The following GLS variants were observed in gnomAD, a reference collection of about 807,000 sequenced individuals.
The protein encoded by GLS is glutaminase.
In GLS, 36 loss-of-function variants were observed where a neutral mutation model predicts 86.7. The ratio of observed to expected loss-of-function variants is 0.42; its 90% CI spans 0.32 to 0.55. The LOEUF (loss-of-function observed/expected upper bound fraction) is 0.55, where lower values mean the gene tolerates loss of function less well. Among genes scored for constraint, GLS ranks in the 20% least tolerant of loss-of-function variants. The pLI is 0.17. For synonymous variants in GLS, 317 were observed against 305.9 expected, an observed-to-expected ratio of 1.04 and a Z score of -0.38; for missense variants, 528 against 833.4, an observed-to-expected ratio of 0.63 and a Z score of 4.51.
At chr2:190,961,692 T>TTG (rs1691005579) in intron 17 of GLS, among the ~76,000 whole-genome samples, 1 of 151,360 alleles carries the variant, frequency 6.6e-6, no homozygotes, top group East Asian at 1.9e-4. Flanking sequence ...TTCAGCTGTT[T>TTG]TTTTTTTTTT....
At position 190,928,749 on chromosome 2, in the gene GLS, G is replaced by C. The variant is rs1298937766; in HGVS notation, c.1425+1267G>C. 4.3e-5 allele frequency among the ~76,000 whole-genome samples: 6 copies of C among 138,130 alleles called. No individual in the cohort carries two copies. The East Asian group carries it at 1.2e-3, about 28-fold the overall frequency. The allele number at this position is 138,130 out of a possible 152,430, so 90.6% of individuals were successfully genotyped here. A position where few individuals can be genotyped will look rare whatever the true frequency, so the allele number is the denominator to read the frequency against. On this transcript the variant is annotated intron_variant, in intron 12 of 17. Transcript: ENST00000320717. ...AAATCTATTGGTCTTCTTTTGACCT[G>C]TCTCTCTTTTTTTCTTGTTATTTTT... is the stretch of plus-strand genomic sequence containing the variant.
In GLS at chr2:190,897,960, C is replaced by A. The variant is rs566271662; in HGVS notation, c.605+2235C>A. 2.0e-5 allele frequency among the ~76,000 whole-genome samples: 3 copies of A among 152,036 alleles called. No individual in the cohort carries two copies. ...CATACTTTTTGGAGTAAAACCTGTT[C>A]GAAAGTTGGAGACTGCCTGTACCCA... On this transcript the variant is annotated intron_variant, in intron 3 of 17. Coordinates refer to ENST00000320717, the MANE Select transcript of GLS (RefSeq NM_014905.5). This position sits in a 1 kb window ranked among gnomAD's most constrained non-coding sequence, Gnocchi z 4.3.
rs182623821 is a variant in GLS, at chr2:190,898,859, C to G, written c.606-1705C>G. 2.0e-4 allele frequency among the ~76,000 whole-genome samples: 30 copies of G among 152,256 alleles called. 1 individual carries two copies. In the East Asian group the frequency reaches 4.8e-3, roughly 24 times the overall value. On this transcript the variant is annotated intron_variant, in intron 3 of 17. Transcript: ENST00000320717. ...TTGAGGCTGGTCTCGAACTCCTGAC[C>G]TCAGGTGATCTGCCTGCCTCAGCCT...
rs1321693265 is a variant in GLS, at chr2:190,943,164, A to G, written c.1651-10401A>G. Among the ~76,000 whole-genome samples the G allele has an allele frequency of 3.3e-5, 5 of 152,194 alleles. No individual in the cohort carries two copies. In the East Asian group the frequency reaches 9.6e-4, roughly 29 times the overall value. On this transcript the variant is annotated intron_variant, in intron 14 of 17. Transcript: ENST00000320717. This position sits in a 1 kb window ranked among gnomAD's most constrained non-coding sequence, Gnocchi z 4.5. ...GGGGTGGGTAGTGGATAATGGTTAG[A>G]CAACTATCAGTATGTAGAAGCTAGC...
At chr2:190,934,776 A>G (rs984147794) in intron 14 of GLS, 2 of 970,556 alleles carry the variant, frequency 2.1e-6, no homozygotes, top group African/African-American at 3.5e-5. Flanking sequence ...CTTTAAATGC[A>G]TACTTAAAAA....
chr2:190,926,331 A>AT (rs1171298114), intron 11 of GLS, among the ~76,000 whole-genome samples: 11 of 152,192 alleles, frequency 7.2e-5, no homozygotes, highest in African/African-American at 2.7e-4. Flanking sequence ...TTTTTGAGAA[A>AT]TAGGGAAGAG....
intron 6 of GLS, among the ~76,000 whole-genome samples, chr2:190,910,054 T>A (rs556690840): frequency 6.6e-6 from 1 of 152,250 alleles, no homozygotes; most frequent in East Asian, 1.9e-4. Context: ...AAAAAATCCC[T>A]TATAATTTTA....
intron 14 of GLS, chr2:190,933,562 C>A: frequency 1.0e-6 from 1 of 961,118 alleles, no homozygotes; most frequent in Non-Finnish European, 1.2e-6. Flanking sequence ...AACATTCCAG[C>A]CAAAGAATTT....
At position 190,965,088 on chromosome 2, in the gene GLS, T is replaced by C. The variant is rs1691092712; in HGVS notation, c.*2102T>C. On this transcript the variant is annotated 3_prime_UTR_variant, in exon 18 of 18. Coordinates refer to ENST00000320717, the MANE Select transcript of GLS (RefSeq NM_014905.5). The surrounding 1 kb of genome is among the most constrained non-coding windows in gnomAD (Gnocchi z 5.0). ...TGTTGGCTGGTAATAATATATTTGA[T>C]TTAAATGCTGTTGACTGTGCTATTA... The C allele has an allele frequency of 6.6e-6, 1 of 152,340 alleles. No homozygotes were observed. The highest frequency in any genetic ancestry group is 2.4e-5 in the African/African-American group (1 of 41,450). The allele number at this position is 152,340 out of a possible 1,614,324, so 9.4% of individuals were successfully genotyped here.
At chr2:190,922,170 A>G (rs1689758087) in intron 9 of GLS, among the ~76,000 whole-genome samples, 1 of 152,112 alleles carries the variant, frequency 6.6e-6, no homozygotes, top group African/African-American at 2.4e-5. Flanking sequence ...CATAGACAAT[A>G]TGAGGGTGTG....
chr2:190,912,346 C>CT (rs34419675), intron 7 of GLS, among the ~76,000 whole-genome samples: 1,908 of 122,472 alleles, frequency 0.016, 44 homozygotes, highest in African/African-American at 0.024. Flanking sequence ...TTCACAAGTG[C>CT]TTTTTTTTTT....
At chr2:190,892,873 A>C (rs960650053) in intron 1 of GLS, among the ~76,000 whole-genome samples, 3 of 152,128 alleles carry the variant, frequency 2.0e-5, no homozygotes, top group African/African-American at 7.2e-5. Flanking sequence ...AAGCAAGTAA[A>C]CATTTGTCTT....
At position 190,927,381 on chromosome 2, in the gene GLS, A is replaced by G. The variant is rs561581318; in HGVS notation, c.1324A>G (p.Ile442Val). The change falls in exon 12 of 18, where the codon ATT becomes GTT. Residue 442 changes from isoleucine to valine, a missense_variant. Ile to Val is a conservative substitution (Grantham distance 29). This residue lies in a region of GLS where 163 missense variants were observed against 429.2 expected (regional missense o/e 0.38). Coordinates refer to ENST00000320717, the MANE Select transcript of GLS (RefSeq NM_014905.5). ...ATLANGGFCPITGERVLSPEA... is the reference protein window; with the variant it reads ...ATLANGGFCPVTGERVLSPEA... Reference sequence around the variant, plus strand: ...ACTGGCTAATGGTGGTTTCTGCCCAATTACTGGTGAAAGAGTACTGAGCCC... The same window carrying G: ...ACTGGCTAATGGTGGTTTCTGCCCAGTTACTGGTGAAAGAGTACTGAGCCC... The G allele has an allele frequency of 1.1e-5, 17 of 1,613,942 alleles. No individual in the cohort carries two copies. The highest frequency in any genetic ancestry group is 1.3e-5 in the African/African-American group (1 of 75,016).
chr2:190,882,676 G>C (rs575998645), intron 1 of GLS, among the ~76,000 whole-genome samples: 2 of 152,228 alleles, frequency 1.3e-5, no homozygotes, highest in African/African-American at 4.8e-5. Context: ...TCTTCTCCCA[G>C]ACTGAAAAAG....
At position 190,963,050 on chromosome 2, in the gene GLS, C is replaced by A; in HGVS notation, c.*64C>A. ...AATTGTGGAAAATGATTATGAAGAA[C>A]ATGTGTATTTCTATCTGGTAGTGAT... On this transcript the variant is annotated 3_prime_UTR_variant, in exon 18 of 18. Transcript: ENST00000320717. The A allele has an allele frequency of 8.5e-7, 1 of 1,180,328 alleles. No individual in the cohort carries two copies. Among genetic ancestry groups the A allele is most frequent in the South Asian group, 1.5e-5 (1 of 67,140 alleles). The allele number at this position is 1,180,328 out of a possible 1,614,324, so 73.1% of individuals were successfully genotyped here.
In GLS at chr2:190,956,502, T is replaced by C. The variant is rs1324352695; in HGVS notation, c.1853+1684T>C. ...CAGTACCATACTGTTTTGATTACTG[T>C]AGCCTTGTAGTATAGTTTGAAGTCA... On this transcript the variant is annotated intron_variant, in intron 17 of 17. Transcript: ENST00000320717. This position sits in a 1 kb window ranked among gnomAD's most constrained non-coding sequence, Gnocchi z 4.2. Among the ~76,000 whole-genome samples, 1 of 152,202 alleles carries C rather than the reference T, an allele frequency of 6.6e-6. No individual in the cohort carries two copies. Among genetic ancestry groups the C allele is most frequent in the Middle Eastern group, 3.2e-3 (1 of 316 alleles).
rs115097003 is a variant in GLS, at chr2:190,884,453, C to G, written c.386+2983C>G. On this transcript the variant is annotated intron_variant, in intron 1 of 17. Coordinates refer to ENST00000320717, the MANE Select transcript of GLS (RefSeq NM_014905.5). ...GAAAATAGCACTCTCTTCCAGAAAA[C>G]CAGCAGGATCTGGAATGAGCATTAT... is the stretch of plus-strand genomic sequence containing the variant. Among the ~76,000 whole-genome samples, 664 of 152,322 alleles carry G rather than the reference C, an allele frequency of 4.4e-3. 4 individuals carry two copies. The highest frequency in any genetic ancestry group is 0.015 in the African/African-American group (627 of 41,564).
intron 1 of GLS, among the ~76,000 whole-genome samples, chr2:190,887,020 T>C (rs1207541311): frequency 6.6e-6 from 1 of 152,196 alleles, no homozygotes; most frequent in Admixed American, 6.5e-5. Flanking sequence ...GAAAGCCTAA[T>C]TATAGAATTT....
rs138237957 is a variant in GLS, at chr2:190,894,622, A to G, written c.387-530A>G. 3.6e-3 allele frequency among the ~76,000 whole-genome samples: 546 copies of G among 152,342 alleles called. 2 individuals carry two copies. The highest frequency in any genetic ancestry group is 0.012 in the African/African-American group (516 of 41,570). ...AAGGTTAATTAATTTACCCAAGGTT[A>G]CACAACTATAGTATTACAGCCAGGA... On this transcript the variant is annotated intron_variant, in intron 1 of 17. Transcript: ENST00000320717.
Sources: gnomAD v4.1 joint callset for allele counts (sites outside exome capture counted in the v4.1 genomes callset) on GRCh38, gnomAD v4.1.1 for gene constraint, gnomAD v4.1.1 regional missense constraint, Gnocchi (gnomAD v3.1) non-coding constraint, MANE v1.5 for transcripts, NCBI Gene and HGNC (gene_info 2026-07-23, HGNC 2026-07-21) for gene names.